The following TMEM182 variants were observed in gnomAD, a reference collection of about 807,000 sequenced individuals.
TMEM182 encodes transmembrane protein 182.
Under a neutral mutation model 26.8 loss-of-function variants are expected in TMEM182, and 20 were observed. The ratio of observed to expected loss-of-function variants is 0.75; its 90% CI spans 0.53 to 1.09. The LOEUF (loss-of-function observed/expected upper bound fraction) is 1.09. TMEM182 is among the 50% of genes least tolerant of loss of function. TMEM182 has a pLI of 0.00. For synonymous variants in TMEM182, 109 were observed against 102.2 expected, an observed-to-expected ratio of 1.07 and a Z score of -0.40; for missense variants, 277 against 275.5, an observed-to-expected ratio of 1.01 and a Z score of -0.04.
At position 102,797,920 on chromosome 2, in the gene TMEM182, C is replaced by T. The variant is rs1437889736; in HGVS notation, c.389C>T (p.Ala130Val). 1 of 1,613,984 alleles carries T rather than the reference C, an allele frequency of 6.2e-7. No homozygotes were observed. The highest frequency in any genetic ancestry group is 1.3e-5 in the African/African-American group (1 of 74,896). ...CTGGGGGTAGTTGCTGTAGTCATCG[C>T]AAGCTTTTTGATCATCTGTGCAGCC... ...MLLGVVAVVI[A>V]SFLIICAAPF... The change falls in exon 4 of 5, where the codon GCA becomes GTA. Residue 130 changes from alanine to valine, a missense_variant. By Grantham distance (64) the Ala-to-Val change is moderately conservative. Coordinates refer to ENST00000412401, the MANE Select transcript of TMEM182 (RefSeq NM_144632.5).
intron 3 of TMEM182, among the ~76,000 whole-genome samples, chr2:102,795,699 A>G (rs1375437316): frequency 6.6e-6 from 1 of 151,972 alleles, no homozygotes; most frequent in Admixed American, 6.5e-5. Context: ...GTATTTGTGT[A>G]GGTTCAAACG....
intron 3 of TMEM182, among the ~76,000 whole-genome samples, chr2:102,842,748 C>T (rs903784438): frequency 1.5e-4 from 23 of 151,992 alleles, no homozygotes; most frequent in African/African-American, 5.1e-4. Context: ...GACTTAACTT[C>T]GGAATGAGAT....
At chr2:102,752,051 T>C (rs978594348) in intron 1 of TMEM182, among the ~76,000 whole-genome samples, 1 of 152,214 alleles carries the variant, frequency 6.6e-6, no homozygotes, top group Non-Finnish European at 1.5e-5. Flanking sequence ...TTATAGGTTC[T>C]GTCTCCAAAT....
intron 3 of TMEM182, among the ~76,000 whole-genome samples, chr2:102,782,071 C>T (rs959890831): frequency 2.6e-5 from 4 of 152,018 alleles, no homozygotes; most frequent in Admixed American, 1.3e-4. Flanking sequence ...TTTGGGAGGC[C>T]GAGGCAGGTG....
chr2:102,824,240 C>A (rs1432453938), intron 3 of TMEM182, among the ~76,000 whole-genome samples: 1 of 152,198 alleles, frequency 6.6e-6, no homozygotes, highest in Non-Finnish European at 1.5e-5. Flanking sequence ...CGGTTTTTGA[C>A]TGATCTTCAG....
At chr2:102,755,945 CAG>C (rs1268132355) in intron 1 of TMEM182, among the ~76,000 whole-genome samples, 1 of 152,184 alleles carries the variant, frequency 6.6e-6, no homozygotes, top group East Asian at 1.9e-4. Flanking sequence ...AATCTCCTTG[CAG>C]AGTGTTGCCG....
chr2:102,768,529 A>G (rs138472590), intron 3 of TMEM182, among the ~76,000 whole-genome samples: 1 of 140,688 alleles, frequency 7.1e-6, no homozygotes, highest in East Asian at 2.1e-4. Context: ...GTACTAAAAA[A>G]AAAAAAAACA....
chr2:102,842,321 C>T (rs909445159), intron 3 of TMEM182, among the ~76,000 whole-genome samples: 3 of 152,168 alleles, frequency 2.0e-5, no homozygotes, highest in African/African-American at 7.2e-5. Flanking sequence ...CTGGGATCAC[C>T]TCAATTTCTC....
chr2:102,737,670 A>G (rs1679396253), intron 1 of TMEM182, among the ~76,000 whole-genome samples: 1 of 152,212 alleles, frequency 6.6e-6, no homozygotes. Context: ...CCAGAAGGCC[A>G]TAACAGAGAT....
At chr2:102,807,353 A>C (rs894954342) in intron 4 of TMEM182, among the ~76,000 whole-genome samples, 1 of 152,196 alleles carries the variant, frequency 6.6e-6, no homozygotes, top group Admixed American at 6.5e-5. Flanking sequence ...TGGAGAAAAA[A>C]TGGAAAACAA....
intron 3 of TMEM182, among the ~76,000 whole-genome samples, chr2:102,779,472 T>C (rs987522916): frequency 2.6e-5 from 4 of 152,182 alleles, no homozygotes; most frequent in Non-Finnish European, 4.4e-5. Flanking sequence ...GTTAGACCTT[T>C]TGTTATAATT....
intron 3 of TMEM182, among the ~76,000 whole-genome samples, chr2:102,772,954 G>T (rs1441672055): frequency 6.6e-6 from 1 of 152,022 alleles, no homozygotes; most frequent in Non-Finnish European, 1.5e-5. Flanking sequence ...GTGTGTGTGT[G>T]TGTGTGTGTG....
chr2:102,835,883 T>C (rs1202741871), intron 3 of TMEM182, among the ~76,000 whole-genome samples: 1 of 137,154 alleles, frequency 7.3e-6, no homozygotes, highest in Non-Finnish European at 1.6e-5. Flanking sequence ...GTGTGTGATG[T>C]TCCCCTTCCT....
At chr2:102,769,012 CTCTGTCAACTGTT>C (rs1680572141) in intron 3 of TMEM182, among the ~76,000 whole-genome samples, 1 of 152,148 alleles carries the variant, frequency 6.6e-6, no homozygotes, top group Admixed American at 6.5e-5. Flanking sequence ...GGAACCCAGG[CTCTGTCAACTGTT>C]TCTTCTACCA....
At chr2:102,758,272 T>A (rs1573496444), upstream of TMEM182, 1 of 508,370 alleles carries the variant, frequency 2.0e-6, no homozygotes, top group Non-Finnish European at 3.6e-6. Flanking sequence ...TGTCTCAGTT[T>A]GTAAATTTGT....
intron 4 of TMEM182, among the ~76,000 whole-genome samples, chr2:102,806,750 C>T (rs1306256160): frequency 9.9e-5 from 15 of 152,256 alleles, no homozygotes; most frequent in South Asian, 4.1e-4. Context: ...TTCCTCTGTT[C>T]GGTCCTCATG....
chr2:102,758,595 A>G (rs551242033), upstream of TMEM182: 27 of 675,396 alleles, frequency 4.0e-5, no homozygotes, highest in Non-Finnish European at 6.9e-5. Context: ...GAGCTTAACA[A>G]GTACCAAGCT....
chr2:102,770,642 G>A (rs1018431854), intron 3 of TMEM182, among the ~76,000 whole-genome samples: 1 of 152,122 alleles, frequency 6.6e-6, no homozygotes, highest in Non-Finnish European at 1.5e-5. Flanking sequence ...CTCACAAAGG[G>A]GTTGTATCAG....
At position 102,817,077 on chromosome 2, in the gene TMEM182, T is replaced by C. The variant is rs948919358; in HGVS notation, c.*2109T>C. 1.4e-5 allele frequency: 14 copies of C among 985,370 alleles called. No individual in the cohort carries two copies. The highest frequency in any genetic ancestry group is 1.7e-5 in the Non-Finnish European group (14 of 829,942). The allele number at this position is 985,370 out of a possible 1,614,324, so 61.0% of individuals were successfully genotyped here. ...TCAAATACATTTCAAGCACATTTCTTGATCAATTTACCAGCAACCCTCTGA... is the reference window on the plus strand; with the variant it reads ...TCAAATACATTTCAAGCACATTTCTCGATCAATTTACCAGCAACCCTCTGA... On this transcript the variant is annotated 3_prime_UTR_variant, in exon 5 of 5. Transcript: ENST00000412401.
Sources: gnomAD v4.1 joint callset for allele counts (sites outside exome capture counted in the v4.1 genomes callset) on GRCh38, gnomAD v4.1.1 for gene constraint, MANE v1.5 for transcripts, NCBI Gene and HGNC (gene_info 2026-07-23, HGNC 2026-07-21) for gene names.